The following SUFU variants were observed in gnomAD, a reference collection of about 807,000 sequenced individuals.
SUFU encodes suppressor of fused homolog.
Under a neutral mutation model 58.9 loss-of-function variants are expected in SUFU, and 7 were observed. The ratio of observed to expected loss-of-function variants is 0.12; its 90% CI spans 0.07 to 0.22. The LOEUF is 0.22. Among genes scored for constraint, SUFU ranks in the 10% least tolerant of loss-of-function variants. The probability of loss-of-function intolerance (pLI) is 1.00; values close to 1 mark genes in which losing one functional copy is unlikely to be tolerated. For synonymous variants in SUFU, 232 were observed against 254.8 expected, an observed-to-expected ratio of 0.91 and a Z score of 0.85; for missense variants, 451 against 641.3, an observed-to-expected ratio of 0.70 and a Z score of 3.20.
intron 3 of SUFU, among the ~76,000 whole-genome samples, chr10:102,568,209 T>TAA (rs71912020): frequency 2.9e-4 from 42 of 144,492 alleles, no homozygotes; most frequent in Admixed American, 9.6e-4. Flanking sequence ...CATTTTTACT[T>TAA]AAAAAAAAAA....
At chr10:102,596,474 A>G (rs1049997456) in intron 6 of SUFU, among the ~76,000 whole-genome samples, 2 of 152,108 alleles carry the variant, frequency 1.3e-5, no homozygotes, top group Non-Finnish European at 2.9e-5. Context: ...CGATGGGGAG[A>G]GAAGGGTGTC....
intron 3 of SUFU, among the ~76,000 whole-genome samples, chr10:102,558,417 C>T (rs2063003127): frequency 6.6e-6 from 1 of 152,100 alleles, no homozygotes; most frequent in Non-Finnish European, 1.5e-5. Flanking sequence ...CGCTGTTGCC[C>T]AGGTTTTAGT....
rs2062285606 is a variant in SUFU, at chr10:102,504,041, A to C, written c.-112A>C. 5 of 1,383,320 alleles carry C rather than the reference A, an allele frequency of 3.6e-6. No individual in the cohort carries two copies. The highest frequency in any genetic ancestry group is 4.8e-6 in the Non-Finnish European group (5 of 1,050,786). 85.7% of individuals were successfully genotyped at this position (1,383,320 alleles called of 1,614,324 possible). ...CAGGCGCGGAGCTAGACCTCGCTGC[A>C]GCCCCCATCGCCTCGGGGAGTCTCA... On this transcript the variant is annotated 5_prime_UTR_variant, in exon 1 of 12. Transcript: ENST00000369902.
intron 3 of SUFU, among the ~76,000 whole-genome samples, chr10:102,561,466 C>G (rs969622819): frequency 6.6e-6 from 1 of 151,728 alleles, no homozygotes; most frequent in African/African-American, 2.4e-5. Context: ...ACCTCCCAGG[C>G]TCAAGTGATT....
At chr10:102,506,367 G>A (rs2062327067) in intron 1 of SUFU, among the ~76,000 whole-genome samples, 1 of 152,054 alleles carries the variant, frequency 6.6e-6, no homozygotes, top group Non-Finnish European at 1.5e-5. Flanking sequence ...AAGAGAAACA[G>A]CACAGTGACT....
At chr10:102,618,931 CGTGTGTGTGTGTGTGTGT>C (rs59259635) in intron 10 of SUFU, 98 of 575,430 alleles carry the variant, frequency 1.7e-4, no homozygotes, top group Middle Eastern at 9.9e-4. Flanking sequence ...CCTCAGGTAG[CGTGTGTGTGTGTGTGTGT>C]GTGTGTGTGT....
At chr10:102,615,238 G>A (rs1469371089) in intron 8 of SUFU, 30 bp from the exon 9 acceptor site, 1 of 1,613,884 alleles carries the variant, frequency 6.2e-7, no homozygotes, top group Non-Finnish European at 8.5e-7. Context: ...TTCACCTTGT[G>A]CCGAACCTTT....
chr10:102,555,641 G>C (rs1344321360), intron 3 of SUFU, among the ~76,000 whole-genome samples: 2 of 152,130 alleles, frequency 1.3e-5, no homozygotes, highest in African/African-American at 4.8e-5. Flanking sequence ...AGTTTAGTGG[G>C]ACCTTGTAGT....
At chr10:102,627,887 T>A (rs940606785) in intron 11 of SUFU, among the ~76,000 whole-genome samples, 1 of 152,136 alleles carries the variant, frequency 6.6e-6, no homozygotes, top group African/African-American at 2.4e-5. Context: ...CCGGCATCCT[T>A]ATTTGCGAGG....
At chr10:102,593,831 T>G (rs1306213315) in intron 5 of SUFU, 110 bp downstream of exon 5, 2 of 1,394,582 alleles carry the variant, frequency 1.4e-6, no homozygotes, top group Non-Finnish European at 2.0e-6. Context: ...AGACCCTGGT[T>G]TTTCACATCA....
chr10:102,529,511 C>T (rs1316227702), intron 2 of SUFU, among the ~76,000 whole-genome samples: 1 of 152,190 alleles, frequency 6.6e-6, no homozygotes, highest in South Asian at 2.1e-4. Context: ...CAGTGGCTCA[C>T]GCCTGTAATC....
chr10:102,617,525 T>A lies in SUFU; in HGVS notation c.1296+97T>A, dbSNP rs1564707537. 6.4e-7 allele frequency: 1 copy of A among 1,555,128 alleles called. No individual in the cohort carries two copies. Reference sequence around the variant, plus strand: ...GGCAGCTCTTGATGGCACCCCTTCCTGGGGGGCTGGTCATGAATGCCTCAT... The same window carrying A: ...GGCAGCTCTTGATGGCACCCCTTCCAGGGGGGCTGGTCATGAATGCCTCAT... On this transcript the variant is annotated intron_variant, in intron 10 of 11. Coordinates refer to ENST00000369902, the MANE Select transcript of SUFU (RefSeq NM_016169.4). This position sits in a 1 kb window ranked among gnomAD's most constrained non-coding sequence, Gnocchi z 4.4.
intron 10 of SUFU, among the ~76,000 whole-genome samples, chr10:102,624,701 C>T (rs1234730769): frequency 6.6e-6 from 1 of 152,172 alleles, no homozygotes; most frequent in African/African-American, 2.4e-5. Context: ...TACTAAAAGC[C>T]ACCATAACTC....
At chr10:102,610,477 T>C (rs2063612186) in intron 8 of SUFU, among the ~76,000 whole-genome samples, 1 of 151,988 alleles carries the variant, frequency 6.6e-6, no homozygotes, top group Admixed American at 6.6e-5. Context: ...AGGCGGGGTT[T>C]AGCAAGATGT....
intron 2 of SUFU, among the ~76,000 whole-genome samples, chr10:102,520,651 C>T (rs982781446): frequency 1.3e-5 from 2 of 152,202 alleles, no homozygotes; most frequent in Non-Finnish European, 2.9e-5. Context: ...CTGGCAACAA[C>T]TGTTTGGTTT....
chr10:102,508,501 C>T (rs904392761), intron 1 of SUFU, among the ~76,000 whole-genome samples: 3 of 152,094 alleles, frequency 2.0e-5, no homozygotes, highest in Admixed American at 6.5e-5. Flanking sequence ...GCTCACAGGG[C>T]GCAGTTTGAC....
chr10:102,615,327 T>A lies in SUFU; in HGVS notation c.1082T>A (p.Ile361Asn). ...SSTAIIPHEL[I>N]RTRQLESVHL... The stretch of plus-strand genomic sequence containing the variant: ...ACGGCCATCATTCCCCATGAGCTGA[T>A]TCGCACGCGGCAGCTTGAGAGCGTA... The change falls in exon 9 of 12, where the codon ATT becomes AAT. Residue 361 changes from isoleucine to asparagine, a missense_variant. Transcript: ENST00000369902. 2 of 1,614,148 alleles carry A rather than the reference T, an allele frequency of 1.2e-6. No individual in the cohort carries two copies. Among genetic ancestry groups the A allele is most frequent in the Non-Finnish European group, 1.7e-6 (2 of 1,180,024 alleles).
Position 102,599,516 on chromosome 10 carries a change from C to A in SUFU, c.994C>A (p.Gln332Lys). ...CCTTCCACCAATCAACCCTCAGCGG[C>A]AGAATGGCCTCGCCCACGACCGGGC... Reference protein sequence around the residue: ...PVLPPINPQRQNGLAHDRAPS... With the variant: ...PVLPPINPQRKNGLAHDRAPS... The change falls in exon 8 of 12, where the codon CAG becomes AAG. Residue 332 changes from glutamine (Q) to lysine (K), a missense_variant. Coordinates refer to ENST00000369902, the MANE Select transcript of SUFU (RefSeq NM_016169.4). 1 of 1,614,190 alleles carries A rather than the reference C, an allele frequency of 6.2e-7. No individual in the cohort carries two copies. Among genetic ancestry groups the A allele is most frequent in the South Asian group, 1.1e-5 (1 of 91,086 alleles).
intron 2 of SUFU, among the ~76,000 whole-genome samples, chr10:102,529,019 G>T (rs118076451): frequency 0.015 from 2,238 of 145,568 alleles, 34 homozygotes; most frequent in Middle Eastern, 0.04. Flanking sequence ...AGATTTATGG[G>T]TTTTTTTTCT....
Sources: allele counts gnomAD v4.1 joint callset (sites outside exome capture counted in the v4.1 genomes callset), GRCh38; gene constraint gnomAD v4.1.1; non-coding constraint Gnocchi (gnomAD v3.1); transcripts MANE v1.5; gene names NCBI Gene and HGNC (gene_info 2026-07-23, HGNC 2026-07-21).